The following RAB3GAP2 variants were observed in gnomAD, a reference collection of about 807,000 sequenced individuals.
RAB3GAP2 encodes the protein RAB3 GTPase activating non-catalytic protein subunit 2.
In RAB3GAP2, 87 loss-of-function variants were observed where a neutral mutation model predicts 185.3. That is an observed-to-expected ratio of 0.47 (90% CI 0.39 to 0.56). The LOEUF (loss-of-function observed/expected upper bound fraction) is 0.56, where lower values mean the gene tolerates loss of function less well. Ranked by LOEUF, RAB3GAP2 falls within the 20% of genes least tolerant of loss-of-function variation. The pLI, the probability that RAB3GAP2 is intolerant of heterozygous loss-of-function variation, is 0.00. For missense variants in RAB3GAP2, 1,492 were observed against 1,638.2 expected, an observed-to-expected ratio of 0.91 and a Z score of 1.54; for synonymous variants, 554 against 576.1, an observed-to-expected ratio of 0.96 and a Z score of 0.55.
At chr1:220,200,008 G>A (rs1488733269) in intron 9 of RAB3GAP2, among the ~76,000 whole-genome samples, 1 of 152,156 alleles carries the variant, frequency 6.6e-6, no homozygotes, top group South Asian at 2.1e-4. Flanking sequence ...GACATCCACT[G>A]CATTTAGAAT....
chr1:220,202,406 T>G, intron 8 of RAB3GAP2, 32 bp from the exon 9 acceptor site: 1 of 1,591,156 alleles, frequency 6.3e-7, no homozygotes, highest in East Asian at 2.2e-5. Flanking sequence ...AATCCAAACT[T>G]ATTATGGATA....
chr1:220,213,910 G>T lies in RAB3GAP2; in HGVS notation c.250C>A (p.Pro84Thr), dbSNP rs1238170162. Residue 84 changes from proline to threonine, a missense_variant, in exon 3 of 35, where the codon CCA becomes ACA. Pro to Thr is a conservative substitution (Grantham distance 38). This residue lies in a region of RAB3GAP2 where 177 missense variants were observed against 160.6 expected (regional missense o/e 1.10). Coordinates refer to ENST00000358951, the MANE Select transcript of RAB3GAP2 (RefSeq NM_012414.4). The part of the protein sequence containing the change: ...WLQDCVLSLS[P>T]TNDLMVIARE... ...GCTATCACCATAAGATCATTGGTTGGAGATAAGGATAAAACACAATCTTGG... is the reference window on the plus strand; with the variant it reads ...GCTATCACCATAAGATCATTGGTTGTAGATAAGGATAAAACACAATCTTGG... 1 of 1,612,992 alleles carries T rather than the reference G, an allele frequency of 6.2e-7. No individual in the cohort carries two copies. The highest frequency in any genetic ancestry group is 1.3e-5 in the African/African-American group (1 of 74,890).
At chr1:220,219,523 G>T (rs1454349309) in intron 2 of RAB3GAP2, 1 of 152,240 alleles carries the variant, frequency 6.6e-6, no homozygotes, top group African/African-American at 2.4e-5. Context: ...GAAATGGCCT[G>T]TGGGTCAGAA....
At chr1:220,267,036 G>A in intron 1 of RAB3GAP2, 1 of 1,611,786 alleles carries the variant, frequency 6.2e-7, no homozygotes, top group Admixed American at 1.7e-5. Flanking sequence ...GGGGCAGGTA[G>A]TCCAGGGTGC....
At chr1:220,180,165 AAAAAG>A (rs1340453285) in intron 21 of RAB3GAP2, among the ~76,000 whole-genome samples, 2 of 152,146 alleles carry the variant, frequency 1.3e-5, no homozygotes, top group East Asian at 3.8e-4. Flanking sequence ...CGTCTCAAAA[AAAAAG>A]AAAAGAGGGA....
rs751457757 is a variant in RAB3GAP2, at chr1:220,151,315, C to G, written c.4118G>C (p.Gly1373Ala). The G allele has an allele frequency of 6.2e-7, 1 of 1,614,030 alleles. No homozygotes were observed. Among genetic ancestry groups the G allele is most frequent in the South Asian group, 1.1e-5 (1 of 91,072 alleles). ...KVIELLPEKH[G>A]QYGLALHLIE... is the part of the protein sequence containing the mutation. ...GAGGTGTAAGGCTAGACCATATTGC[C>G]CATGTTTTTCTGGTAAAAGCTCAAT... The change falls in exon 35 of 35, where the codon GGG becomes GCG. Residue 1373 changes from glycine (G) to alanine (A), a missense_variant. Gly to Ala is a moderately conservative substitution (Grantham distance 60, BLOSUM62 0). Coordinates refer to ENST00000358951, the MANE Select transcript of RAB3GAP2 (RefSeq NM_012414.4).
Position 220,193,297 on chromosome 1 carries a change from A to T in RAB3GAP2, c.1213T>A (p.Phe405Ile). 1 of 1,614,056 alleles carries T rather than the reference A, an allele frequency of 6.2e-7. No homozygotes were observed. The change falls in exon 13 of 35, where the codon TTC becomes ATC. Residue 405 changes from phenylalanine (F) to isoleucine (I), a missense_variant. This residue lies in a region of RAB3GAP2 where 681 missense variants were observed against 689.1 expected (regional missense o/e 0.99). Transcript: ENST00000358951. ...CNTLAAVTDDFGRVILLDVAR... is the reference protein window; with the variant it reads ...CNTLAAVTDDIGRVILLDVAR... ...ACATCCAATAAAATAACTCTGCCGA[A>T]ATCATCTGTTACTGCTGCCAGTGTG...
At chr1:220,243,101 T>C (rs1391907489) in intron 1 of RAB3GAP2, among the ~76,000 whole-genome samples, 1 of 152,140 alleles carries the variant, frequency 6.6e-6, no homozygotes, top group Non-Finnish European at 1.5e-5. Flanking sequence ...ACGCCTGTAA[T>C]CCCAGCACTT....
At position 220,150,112 on chromosome 1, in the gene RAB3GAP2, T is replaced by C. The variant is rs570700393; in HGVS notation, c.*1139A>G. Reference sequence around the variant, plus strand: ...TTGGTTAGTTTGGTTTTTTCTTTTTTTTTTTTTTTTCGAGACAGGGTCTTG... The same window carrying C: ...TTGGTTAGTTTGGTTTTTTCTTTTTCTTTTTTTTTTCGAGACAGGGTCTTG... On this transcript the variant is annotated 3_prime_UTR_variant, in exon 35 of 35. Transcript: ENST00000358951. 2 of 150,396 alleles carry C rather than the reference T, an allele frequency of 1.3e-5. No homozygotes were observed. The highest frequency in any genetic ancestry group is 2.9e-5 in the Non-Finnish European group (2 of 67,808). The allele number at this position is 150,396 out of a possible 1,614,324, so 9.3% of individuals were successfully genotyped here.
intron 2 of RAB3GAP2, among the ~76,000 whole-genome samples, chr1:220,216,919 T>C (rs764492608): frequency 6.6e-6 from 1 of 152,142 alleles, no homozygotes; most frequent in East Asian, 1.9e-4. Context: ...ATTGTTCCTA[T>C]GTTTCTGTCC....
chr1:220,246,488 T>A (rs1383152959), intron 1 of RAB3GAP2, among the ~76,000 whole-genome samples: 3 of 119,996 alleles, frequency 2.5e-5, no homozygotes, highest in Admixed American at 1.8e-4. Context: ...TATTGTGGCA[T>A]TATTCACAAT....
At chr1:220,271,002 G>A (rs996346964) in intron 1 of RAB3GAP2, among the ~76,000 whole-genome samples, 7 of 152,120 alleles carry the variant, frequency 4.6e-5, no homozygotes, top group Non-Finnish European at 1.0e-4. Context: ...CTCTGCACAT[G>A]CTATTACTGC....
chr1:220,178,661 T>A (rs1418810984), intron 21 of RAB3GAP2, among the ~76,000 whole-genome samples: 1 of 151,554 alleles, frequency 6.6e-6, no homozygotes, highest in Non-Finnish European at 1.5e-5. Context: ...TACACAAAAA[T>A]CAAAAGTAGC....
At chr1:220,224,269 A>C (rs910784524) in intron 2 of RAB3GAP2, among the ~76,000 whole-genome samples, 2 of 152,148 alleles carry the variant, frequency 1.3e-5, no homozygotes, top group African/African-American at 4.8e-5. Context: ...ACAGAAATTC[A>C]GGCAGTCGGA....
At chr1:220,177,735 CTA>C (rs1658319863) in intron 21 of RAB3GAP2, among the ~76,000 whole-genome samples, 1 of 151,966 alleles carries the variant, frequency 6.6e-6, no homozygotes, top group Non-Finnish European at 1.5e-5. Context: ...CGTTGATAGA[CTA>C]TTTAAAAATA....
intron 27 of RAB3GAP2, among the ~76,000 whole-genome samples, chr1:220,163,250 T>C (rs1426453433): frequency 6.6e-6 from 1 of 152,140 alleles, no homozygotes; most frequent in East Asian, 1.9e-4. Flanking sequence ...AGTCTGTCTA[T>C]GAGTAAGGCC....
chr1:220,172,601 G>A lies in RAB3GAP2; in HGVS notation c.2416+36C>T, dbSNP rs758302591. 6 of 1,423,670 alleles carry A rather than the reference G, an allele frequency of 4.2e-6. 1 individual carries two copies. The highest frequency in any genetic ancestry group is 2.8e-5 in the African/African-American group (2 of 71,010). The allele number at this position is 1,423,670 out of a possible 1,614,324, so 88.2% of individuals were successfully genotyped here. On this transcript the variant is annotated intron_variant, in intron 22 of 34. Transcript: ENST00000358951. ...CATCTTTTTGTGACATTTCAAACAC[G>A]AAACTTTGTTGACGAGAGCAACAAA...
chr1:220,157,961 C>T, intron 29 of RAB3GAP2, 85 bp from the exon 30 acceptor site: 21 of 1,020,396 alleles, frequency 2.1e-5, no homozygotes, highest in South Asian at 1.6e-4. Flanking sequence ...GGATACAATA[C>T]ACTGGTTCAG....
At chr1:220,205,811 C>G (rs777494743) in intron 8 of RAB3GAP2, 96 bp downstream of exon 8, 2 of 967,568 alleles carry the variant, frequency 2.1e-6, no homozygotes, top group Non-Finnish European at 3.2e-6. Flanking sequence ...TTCAGAAGGC[C>G]TTTTTTATTT....
Sources: allele counts gnomAD v4.1 joint callset (sites outside exome capture counted in the v4.1 genomes callset), GRCh38; gene constraint gnomAD v4.1.1; regional missense constraint gnomAD v4.1.1; transcripts MANE v1.5; gene names NCBI Gene and HGNC (gene_info 2026-07-23, HGNC 2026-07-21).